MAST2: variants seen among roughly 807,000 people sequenced by gnomAD.
MAST2 encodes microtubule associated serine/threonine kinase 2.
A neutral mutation model predicts 147.4 loss-of-function variants in MAST2; 70 were observed. That is an observed-to-expected ratio of 0.47 (90% CI 0.39 to 0.58). The LOEUF is 0.58. MAST2 is among the 20% of genes least tolerant of loss of function. The pLI is 0.00. For missense variants in MAST2, 2,080 were observed against 2,302.3 expected (o/e 0.90, Z 1.98); for synonymous variants, 869 against 896.8 (o/e 0.97, Z 0.55).
intron 5 of MAST2, among the ~76,000 whole-genome samples, chr1:45,994,828 A>G (rs1644991875): frequency 6.6e-6 from 1 of 151,334 alleles, no homozygotes; most frequent in East Asian, 1.9e-4. Flanking sequence ...GAGAATAGCC[A>G]TATCTTCCAT....
intron 3 of MAST2, among the ~76,000 whole-genome samples, chr1:45,875,532 T>G (rs937693012): frequency 2.0e-5 from 3 of 152,162 alleles, no homozygotes; most frequent in Admixed American, 6.5e-5. Flanking sequence ...ATATATGATA[T>G]TTACATTGAT....
intron 3 of MAST2, among the ~76,000 whole-genome samples, chr1:45,850,639 AG>A (rs1645593693): frequency 6.6e-6 from 1 of 152,132 alleles, no homozygotes; most frequent in African/African-American, 2.4e-5. Context: ...ATGTGGTGAA[AG>A]GTAGGGTTCC....
At position 46,032,790 on chromosome 1, in the gene MAST2, G is replaced by C; in HGVS notation, c.3537+72G>C. The C allele has an allele frequency of 2.6e-6, 4 of 1,539,660 alleles. No individual in the cohort carries two copies. In the South Asian group the frequency reaches 3.8e-5, roughly 15 times the overall value. ...CTGTGAGTCTGTGATGGCAGTTAGGGGAGTGGGTGAGTTGGGTGCACACAC... is the reference window on the plus strand; with the variant it reads ...CTGTGAGTCTGTGATGGCAGTTAGGCGAGTGGGTGAGTTGGGTGCACACAC... On this transcript the variant is annotated intron_variant, in intron 26 of 28. Transcript: ENST00000361297.
chr1:45,959,309 A>T, intron 4 of MAST2, 77 bp from the exon 5 acceptor site: 1 of 1,093,764 alleles, frequency 9.1e-7, no homozygotes, highest in Non-Finnish European at 1.4e-6. Flanking sequence ...GTCCCTCTTT[A>T]GTTCCTTAAA....
intron 7 of MAST2, among the ~76,000 whole-genome samples, chr1:46,005,725 T>C (rs1009248358): frequency 5.9e-5 from 9 of 152,206 alleles, no homozygotes; most frequent in African/African-American, 2.2e-4. Context: ...ATAGTTGGTC[T>C]GCAGGCTGTA....
chr1:45,956,445 G>C (rs1659674063), intron 4 of MAST2, among the ~76,000 whole-genome samples: 1 of 152,162 alleles, frequency 6.6e-6, no homozygotes, highest in Admixed American at 6.5e-5. Flanking sequence ...GCATGAGTCT[G>C]TCTTTGAAAG....
At chr1:45,971,239 A>G (rs572965933) in intron 5 of MAST2, among the ~76,000 whole-genome samples, 1 of 152,292 alleles carries the variant, frequency 6.6e-6, no homozygotes, top group East Asian at 1.9e-4. Context: ...GCCCAGACCA[A>G]AGCTGGTCCA....
intron 4 of MAST2, among the ~76,000 whole-genome samples, chr1:45,924,588 C>T (rs1570740848): frequency 1.3e-5 from 2 of 152,172 alleles, no homozygotes; most frequent in Non-Finnish European, 2.9e-5. Context: ...CAGCCAGAGT[C>T]ATGTCAGTGG....
intron 6 of MAST2, among the ~76,000 whole-genome samples, chr1:45,998,319 T>C (rs561540998): frequency 5.3e-4 from 81 of 152,334 alleles, no homozygotes; most frequent in African/African-American, 1.9e-3. Context: ...TTTCCTTCTA[T>C]GAATTTAGAA....
intron 3 of MAST2, among the ~76,000 whole-genome samples, chr1:45,843,168 TCTGGGTATTAGACC>T (rs1164073035): frequency 1.3e-5 from 2 of 152,200 alleles, no homozygotes; most frequent in Non-Finnish European, 2.9e-5. Context: ...TGTTATATAT[TCTGGGTATTAGACC>T]CTTAGTTATA....
intron 2 of MAST2, among the ~76,000 whole-genome samples, chr1:45,827,659 AT>A (rs5773894): frequency 4.0e-5 from 6 of 149,656 alleles, no homozygotes; most frequent in Non-Finnish European, 7.4e-5. Flanking sequence ...CATCATCATT[AT>A]TTTTTTTTTA....
chr1:45,948,733 A>AAAG (rs1658480838), intron 4 of MAST2, among the ~76,000 whole-genome samples: 1 of 135,194 alleles, frequency 7.4e-6, no homozygotes, highest in Non-Finnish European at 1.6e-5. Context: ...AAAAAAAAAA[A>AAAG]GTCATATGGA....
chr1:45,823,210 T>C (rs1644689958), intron 1 of MAST2, among the ~76,000 whole-genome samples: 3 of 152,098 alleles, frequency 2.0e-5, no homozygotes, highest in Admixed American at 6.5e-5. Flanking sequence ...TTTCTTTTTT[T>C]TTTTTTTAAT....
Position 45,965,800 on chromosome 1 carries a change from C to T in MAST2, c.592+6323C>T, listed in dbSNP as rs1570967609. 2.0e-5 allele frequency among the ~76,000 whole-genome samples: 3 copies of T among 151,960 alleles called. No individual in the cohort carries two copies. In the East Asian group the frequency reaches 5.8e-4, roughly 29 times the overall value. The stretch of plus-strand genomic sequence containing the variant: ...AGATACTGAGATAAACCATATACCC[C>T]CTGCCCTCACCTATATATAGGCTCC... On this transcript the variant is annotated intron_variant, in intron 5 of 28. Transcript: ENST00000361297.
chr1:45,928,567 C>CTTTTTTTTTT (rs11374683), intron 4 of MAST2, among the ~76,000 whole-genome samples: 9 of 143,690 alleles, frequency 6.3e-5, no homozygotes, highest in Non-Finnish European at 6.0e-5. Flanking sequence ...ATCACTCTTT[C>CTTTTTTTTTT]TTTTTTTTTT....
In MAST2 at chr1:46,032,264, A is replaced by C. The variant is rs1646701106; in HGVS notation, c.3274A>C (p.Arg1092=). The part of the protein sequence containing the change: ...NPSSRDSSPS[R]DFLPALGSMR... The stretch of plus-strand genomic sequence containing the variant: ...ATCATCCCGGGACTCTTCTCCAAGC[A>C]GGGACTTCTTGCCAGCCCTTGGCAG... Residue 1092 remains arginine (R), a synonymous_variant, in exon 25 of 29, where the codon AGG becomes CGG. Transcript: ENST00000361297. The C allele has an allele frequency of 1.2e-6, 2 of 1,614,114 alleles. No individual in the cohort carries two copies. The highest frequency in any genetic ancestry group is 8.5e-7 in the Non-Finnish European group (1 of 1,180,050).
chr1:45,933,124 T>C (rs1313589711), intron 4 of MAST2, among the ~76,000 whole-genome samples: 1 of 132,402 alleles, frequency 7.6e-6, no homozygotes, highest in Non-Finnish European at 1.6e-5. Context: ...TAGTCCCAGC[T>C]ACTCAGGAGG....
chr1:45,874,748 C>G (rs1249575736), intron 3 of MAST2, among the ~76,000 whole-genome samples: 2 of 152,148 alleles, frequency 1.3e-5, no homozygotes, highest in Non-Finnish European at 2.9e-5. Context: ...TCCTACTCTC[C>G]TGGAGCTAAC....
chr1:45,904,633 T>A (rs1650363116), intron 4 of MAST2, among the ~76,000 whole-genome samples: 1 of 151,872 alleles, frequency 6.6e-6, no homozygotes, highest in Non-Finnish European at 1.5e-5. Flanking sequence ...ACCCAGCTAA[T>A]TTTTGTATTT....
Sources: allele counts gnomAD v4.1 joint callset (sites outside exome capture counted in the v4.1 genomes callset), GRCh38; gene constraint gnomAD v4.1.1; transcripts MANE v1.5; gene names NCBI Gene and HGNC (gene_info 2026-07-23, HGNC 2026-07-21).